Variants in SHC3 observed in about 807,000 individuals in gnomAD.
The protein encoded by SHC3 is SHC-transforming protein 3.
In SHC3, 15 loss-of-function variants were observed where a neutral mutation model predicts 60.4. That is an observed-to-expected ratio of 0.25 (90% CI 0.17 to 0.38). The LOEUF is 0.38. Among genes scored for constraint, SHC3 ranks in the 10% least tolerant of loss-of-function variants. The pLI, the probability that SHC3 is intolerant of heterozygous loss-of-function variation, is 1.00. For missense variants in SHC3, 677 were observed against 786.1 expected (o/e 0.86, Z 1.66); for synonymous variants, 294 against 325.9 (o/e 0.90, Z 1.05).
chr9:89,178,141 G>A lies in SHC3; in HGVS notation c.320C>T (p.Ala107Val), dbSNP rs1314408025. ...SGSCSAPSLA[A>V]PDGSAPSAPR... is the part of the protein sequence containing the mutation. ...CGCCGAGGGCGCACTGCCGTCCGGG[G>A]CGGCCAGGCTGGGCGCGCTGCAGCT... The change falls in exon 1 of 12, where the codon GCC (alanine) becomes GTC (valine). Residue 107 changes from alanine to valine, a missense_variant. Ala to Val is a moderately conservative substitution (Grantham distance 64). Transcript: ENST00000375835. The surrounding 1 kb of genome is among the most constrained non-coding windows in gnomAD (Gnocchi z 6.9). 6 of 1,192,124 alleles carry A rather than the reference G, an allele frequency of 5.0e-6. No homozygotes were observed. The highest frequency in any genetic ancestry group is 4.1e-5 in the South Asian group (1 of 24,236). The allele number at this position is 1,192,124 out of a possible 1,614,324, so 73.8% of individuals were successfully genotyped here. A position where few individuals can be genotyped will look rare whatever the true frequency, so the allele number is the denominator to read the frequency against.
At chr9:89,159,616 G>T (rs1229279552) in intron 1 of SHC3, among the ~76,000 whole-genome samples, 1 of 152,074 alleles carries the variant, frequency 6.6e-6, no homozygotes, top group African/African-American at 2.4e-5. Flanking sequence ...GTATTAACTC[G>T]CACGATCACA....
intron 2 of SHC3, among the ~76,000 whole-genome samples, chr9:89,090,150 A>T (rs1389891049): frequency 1.3e-5 from 2 of 152,128 alleles, no homozygotes; most frequent in Non-Finnish European, 2.9e-5. Flanking sequence ...GAGATAAAAT[A>T]TATCTCCACC....
At chr9:89,046,011 G>T (rs2117906901) in intron 8 of SHC3, among the ~76,000 whole-genome samples, 178 bp from the exon 9 acceptor site, 1 of 152,064 alleles carries the variant, frequency 6.6e-6, no homozygotes, top group South Asian at 2.1e-4. Flanking sequence ...AAGTTTGTGT[G>T]GGTGTGAGGA....
intron 7 of SHC3, among the ~76,000 whole-genome samples, chr9:89,049,993 T>C (rs1300231147): frequency 1.3e-5 from 2 of 152,266 alleles, no homozygotes; most frequent in African/African-American, 4.8e-5. Context: ...TTAAATTTAA[T>C]TCGGCTGAAA....
chr9:89,100,310 A>G (rs1360631365), intron 2 of SHC3, among the ~76,000 whole-genome samples: 29 of 152,230 alleles, frequency 1.9e-4, no homozygotes, highest in Admixed American at 1.9e-3. Context: ...AGTTTGAAAG[A>G]GAATTCCAAA....
At chr9:89,157,055 G>C (rs536641465) in intron 1 of SHC3, among the ~76,000 whole-genome samples, 10 of 152,178 alleles carry the variant, frequency 6.6e-5, no homozygotes, top group African/African-American at 2.4e-4. Flanking sequence ...GGTGTCAAGC[G>C]TAAGCAACCC....
In SHC3 at chr9:89,075,090, G is replaced by T. The variant is rs866349315; in HGVS notation, c.729+19C>A. 1.9e-6 allele frequency: 3 copies of T among 1,612,418 alleles called. No individual in the cohort carries two copies. The African/African-American group carries it at 4.0e-5, about 21-fold the overall frequency. On this transcript the variant is annotated intron_variant, in intron 4 of 11. Transcript: ENST00000375835. ...CCTGGGGCTGTGGGCAGGGACAGGG[G>T]ATCTGAGCACCCATGTACCTGTTTG... is the stretch of plus-strand genomic sequence containing the variant.
intron 2 of SHC3, among the ~76,000 whole-genome samples, chr9:89,112,181 GTC>G (rs1378050434): frequency 6.6e-6 from 1 of 152,264 alleles, no homozygotes; most frequent in African/African-American, 2.4e-5. Flanking sequence ...CTGTTGGAAA[GTC>G]TCTCTTGACA....
intron 1 of SHC3, among the ~76,000 whole-genome samples, chr9:89,174,811 T>C (rs1826919063): frequency 6.6e-6 from 1 of 152,236 alleles, no homozygotes; most frequent in African/African-American, 2.4e-5. Flanking sequence ...TGTCTTCAGA[T>C]GGCCCACTGG....
intron 4 of SHC3, among the ~76,000 whole-genome samples, chr9:89,073,514 G>A (rs1825307541): frequency 6.6e-6 from 1 of 152,136 alleles, no homozygotes; most frequent in African/African-American, 2.4e-5. Flanking sequence ...CCAAAAGTCA[G>A]CTGGAAGGGA....
intron 1 of SHC3, among the ~76,000 whole-genome samples, chr9:89,132,668 C>T (rs1408790103): frequency 1.3e-5 from 2 of 152,140 alleles, no homozygotes; most frequent in Non-Finnish European, 2.9e-5. Flanking sequence ...GAAAGGATTC[C>T]CTATTTAATA....
rs991451878 is a variant in SHC3, at chr9:89,097,507, C to A, written c.545+15049G>T. Among the ~76,000 whole-genome samples, 7 of 152,282 alleles carry A rather than the reference C, an allele frequency of 4.6e-5. No homozygotes were observed. In the South Asian group the frequency reaches 8.3e-4, roughly 18 times the overall value. On this transcript the variant is annotated intron_variant, in intron 2 of 11. Transcript: ENST00000375835. ...CTTCATTTTTAAAAGGCCCTGGGGGCAGAAAGGAAGGAGGAATTATCGAAT... is the reference window on the plus strand; with the variant it reads ...CTTCATTTTTAAAAGGCCCTGGGGGAAGAAAGGAAGGAGGAATTATCGAAT...
At chr9:89,083,082 G>C (rs558228636) in intron 2 of SHC3, among the ~76,000 whole-genome samples, 1 of 152,266 alleles carries the variant, frequency 6.6e-6, no homozygotes, top group Admixed American at 6.5e-5. Context: ...TAGCAGTCCT[G>C]GGTCTCTCCC....
intron 11 of SHC3, among the ~76,000 whole-genome samples, chr9:89,019,594 C>G (rs1426908461): frequency 4.6e-5 from 7 of 152,158 alleles, no homozygotes; most frequent in Non-Finnish European, 8.8e-5. Context: ...AAGTTAATCA[C>G]TTTCCTATAT....
chr9:89,069,690 T>C (rs1487395319), intron 5 of SHC3, among the ~76,000 whole-genome samples: 1 of 152,196 alleles, frequency 6.6e-6, no homozygotes, highest in Non-Finnish European at 1.5e-5. Flanking sequence ...GGCCCAAGCC[T>C]CTCCACGGCA....
At chr9:89,048,910 T>A (rs1824817164) in intron 7 of SHC3, among the ~76,000 whole-genome samples, 1 of 152,044 alleles carries the variant, frequency 6.6e-6, no homozygotes, top group African/African-American at 2.4e-5. Context: ...GAGGGGGGTG[T>A]CAGGTCACCG....
chr9:89,068,024 C>T (rs1199109102), intron 5 of SHC3, among the ~76,000 whole-genome samples: 1 of 152,146 alleles, frequency 6.6e-6, no homozygotes, highest in Non-Finnish European at 1.5e-5. Flanking sequence ...TAATATGTCC[C>T]TGTCTCTCAG....
At chr9:89,161,563 C>T (rs1400593359) in intron 1 of SHC3, among the ~76,000 whole-genome samples, 5 of 152,196 alleles carry the variant, frequency 3.3e-5, no homozygotes, top group African/African-American at 1.2e-4. Context: ...TCCTTGTCAG[C>T]TCAGGCTGCC....
chr9:89,042,851 C>G (rs1029849336), intron 9 of SHC3, among the ~76,000 whole-genome samples: 1 of 152,106 alleles, frequency 6.6e-6, no homozygotes, highest in Non-Finnish European at 1.5e-5. Flanking sequence ...TCACCGAGAC[C>G]TAGTGTGAAA....
Sources: gnomAD v4.1 joint callset for allele counts (sites outside exome capture counted in the v4.1 genomes callset) on GRCh38, gnomAD v4.1.1 for gene constraint, Gnocchi (gnomAD v3.1) non-coding constraint, MANE v1.5 for transcripts, NCBI Gene and HGNC (gene_info 2026-07-23, HGNC 2026-07-21) for gene names.